ABCA13: variants seen among roughly 807,000 people sequenced by gnomAD.
ABCA13 encodes ATP binding cassette subfamily A member 13, also known as ATP-binding cassette sub-family A member 13.
Under a neutral mutation model 478.7 loss-of-function variants are expected in ABCA13, and 476 were observed. The ratio of observed to expected loss-of-function variants is 0.99; its 90% CI spans 0.92 to 1.07. The LOEUF is 1.07. Ranked by LOEUF, ABCA13 falls within the 50% of genes least tolerant of loss-of-function variation. ABCA13 has a pLI of 0.00. For synonymous variants in ABCA13, 2,252 were observed against 2,158.9 expected, an observed-to-expected ratio of 1.04 and a Z score of -1.20; for missense variants, 6,060 against 5,910.6, an observed-to-expected ratio of 1.03 and a Z score of -0.83.
At position 48,335,417 on chromosome 7, in the gene ABCA13, T is replaced by C; in HGVS notation, c.10000-5T>C. ...AGACATATCCAAATATGCTTCATTT[T>C]GCAGGCTAATTACACCTTTTATATT... On this transcript the variant is annotated splice_polypyrimidine_tract_variant and splice_region_variant and intron_variant, in intron 27 of 61. Coordinates refer to ENST00000435803, the MANE Select transcript of ABCA13 (RefSeq NM_152701.5). 3.2e-6 allele frequency: 5 copies of C among 1,583,176 alleles called. No individual in the cohort carries two copies. Among genetic ancestry groups the C allele is most frequent in the Non-Finnish European group, 4.3e-6 (5 of 1,157,222 alleles).
chr7:48,429,216 G>T (rs1821817133), intron 42 of ABCA13, among the ~76,000 whole-genome samples: 1 of 152,108 alleles, frequency 6.6e-6, no homozygotes, highest in South Asian at 2.1e-4. Flanking sequence ...GTTGTTTCCA[G>T]TTTTTTACTA....
At chr7:48,357,189 T>C (rs531095610) in intron 31 of ABCA13, among the ~76,000 whole-genome samples, 40 of 152,060 alleles carry the variant, frequency 2.6e-4, no homozygotes, top group African/African-American at 7.7e-4. Context: ...ATCAGCTTGA[T>C]CCACAACAGA....
chr7:48,644,675 A>T lies in ABCA13; in HGVS notation c.15002A>T (p.Asp5001Val), dbSNP rs529347538. The change falls in exon 61 of 62, where the codon GAC becomes GTC. Residue 5001 changes from aspartate (D) to valine (V), a missense_variant. Asp to Val is a radical substitution (Grantham distance 152, BLOSUM62 -3). Transcript: ENST00000435803. ...HVPKRWGCLA[D>V]LFKVIENNKT... is the part of the protein sequence containing the mutation. ...CCAAAAAGATGGGGATGCCTAGCTG[A>T]CTTGTTCAAAGTTATAGAGAACAAT... 1 of 1,611,632 alleles carries T rather than the reference A, an allele frequency of 6.2e-7. No individual in the cohort carries two copies. The highest frequency in any genetic ancestry group is 1.3e-5 in the African/African-American group (1 of 74,462).
intron 41 of ABCA13, among the ~76,000 whole-genome samples, chr7:48,418,975 T>G (rs149677257): frequency 6.6e-6 from 1 of 152,206 alleles, no homozygotes; most frequent in Non-Finnish European, 1.5e-5. Context: ...CATAGCAGCA[T>G]CTGCTTCTGG....
chr7:48,244,825 T>A (rs900004821), intron 11 of ABCA13, 122 bp downstream of exon 11: 1 of 1,162,378 alleles, frequency 8.6e-7, no homozygotes, highest in African/African-American at 1.5e-5. Context: ...GCTGGTGTCA[T>A]ATGCATATTT....
At chr7:48,242,399 AC>A (rs377286734) in intron 10 of ABCA13, among the ~76,000 whole-genome samples, 304 of 152,066 alleles carry the variant, frequency 2.0e-3, no homozygotes, top group African/African-American at 7.0e-3. Context: ...TGAGGCCCAA[AC>A]ACTGGCTTTG....
At chr7:48,545,439 C>A (rs1431458146) in intron 55 of ABCA13, among the ~76,000 whole-genome samples, 2 of 151,710 alleles carry the variant, frequency 1.3e-5, no homozygotes. Flanking sequence ...GATCTGAGAA[C>A]CACAACTCCC....
Position 48,246,006 on chromosome 7 carries a change from G to C in ABCA13, c.1635G>C (p.Lys545Asn). Residue 545 changes from lysine (K) to asparagine (N), a missense_variant, in exon 13 of 62, where the codon AAG (lysine) becomes AAC (asparagine). Lys to Asn is a moderately conservative substitution (Grantham distance 94). Around this residue, in one of 3 missense-constraint regions of ABCA13, gnomAD observed 4,423 missense variants for 4,309.1 expected, o/e 1.03. Transcript: ENST00000435803. ...CCTCTGAGACGAGTGTTTTAAACAA[G>C]CTACTTGGTTCAGTAGAGGATGCTG... Reference protein sequence around the residue: ...CNSSETSVLNKLLGSVEDADR... With the variant: ...CNSSETSVLNNLLGSVEDADR... The C allele has an allele frequency of 1.9e-6, 3 of 1,613,648 alleles. No homozygotes were observed. The highest frequency in any genetic ancestry group is 2.5e-6 in the Non-Finnish European group (3 of 1,179,728).
At chr7:48,329,722 C>T (rs771925299) in intron 27 of ABCA13, among the ~76,000 whole-genome samples, 4 of 152,046 alleles carry the variant, frequency 2.6e-5, no homozygotes, top group Non-Finnish European at 4.4e-5. Context: ...ACCATCCATC[C>T]ATCCATTCAT....
intron 27 of ABCA13, among the ~76,000 whole-genome samples, chr7:48,325,907 C>T (rs1207555598): frequency 6.6e-6 from 1 of 152,176 alleles, no homozygotes; most frequent in Non-Finnish European, 1.5e-5. Flanking sequence ...GAGAAAATCA[C>T]TGAGGTGAGT....
chr7:48,434,099 C>G (rs969869739), intron 42 of ABCA13, among the ~76,000 whole-genome samples: 2 of 151,936 alleles, frequency 1.3e-5, no homozygotes, highest in Admixed American at 1.3e-4. Flanking sequence ...GTATCATTTT[C>G]CACAGTGGTT....
intron 58 of ABCA13, among the ~76,000 whole-genome samples, chr7:48,607,055 C>T (rs1791544462): frequency 1.3e-5 from 2 of 152,212 alleles, no homozygotes; most frequent in African/African-American, 4.8e-5. Flanking sequence ...GCCCCTCTCC[C>T]AACCAAGCTT....
At chr7:48,308,372 A>G (rs1801226185) in intron 23 of ABCA13, among the ~76,000 whole-genome samples, 1 of 152,202 alleles carries the variant, frequency 6.6e-6, no homozygotes, top group Non-Finnish European at 1.5e-5. Context: ...ATAACTAGAA[A>G]GAGTATACTC....
At chr7:48,498,464 T>A (rs1830463116) in intron 48 of ABCA13, among the ~76,000 whole-genome samples, 1 of 152,138 alleles carries the variant, frequency 6.6e-6, no homozygotes, top group Non-Finnish European at 1.5e-5. Context: ...ATCATCTTGT[T>A]TGCACCCCAG....
At chr7:48,423,350 T>C (rs945085301) in intron 41 of ABCA13, among the ~76,000 whole-genome samples, 1 of 152,226 alleles carries the variant, frequency 6.6e-6, no homozygotes. Context: ...CTCAGCTGGG[T>C]TCCATTGTCC....
intron 29 of ABCA13, among the ~76,000 whole-genome samples, chr7:48,343,554 T>C (rs1045612762): frequency 3.9e-5 from 6 of 152,090 alleles, no homozygotes; most frequent in Admixed American, 6.5e-5. Context: ...GAGCTTTTGC[T>C]GCCTTGGTAG....
At chr7:48,308,766 C>G (rs1801295425) in intron 23 of ABCA13, among the ~76,000 whole-genome samples, 1 of 151,742 alleles carries the variant, frequency 6.6e-6, no homozygotes, top group Non-Finnish European at 1.5e-5. Flanking sequence ...TTTTACTGTA[C>G]CTTTTTACTG....
In ABCA13 at chr7:48,639,497, T is replaced by TG. The variant is rs1436883569; in HGVS notation, c.14838-3790dup. 3.9e-5 allele frequency among the ~76,000 whole-genome samples: 6 copies of TG among 152,326 alleles called. No individual in the cohort carries two copies. In the East Asian group the frequency reaches 1.2e-3, roughly 29 times the overall value. On this transcript the variant is annotated intron_variant, in intron 59 of 61. Coordinates refer to ENST00000435803, the MANE Select transcript of ABCA13 (RefSeq NM_152701.5). The stretch of plus-strand genomic sequence containing the variant: ...TCAGTGCTGTAACACTTGTGCTGGA[T>TG]GAGAGCTTAACGTGAGACCACGGGA...
intron 39 of ABCA13, 92 bp downstream of exon 39, chr7:48,403,971 C>G (rs1817946221): frequency 3.5e-6 from 5 of 1,428,264 alleles, no homozygotes; most frequent in Middle Eastern, 1.7e-4. Context: ...AGTTGTATCC[C>G]AGTGAGGCTA....
Sources: allele counts gnomAD v4.1 joint callset (sites outside exome capture counted in the v4.1 genomes callset), GRCh38; gene constraint gnomAD v4.1.1; regional missense constraint gnomAD v4.1.1; transcripts MANE v1.5; gene names NCBI Gene and HGNC (gene_info 2026-07-23, HGNC 2026-07-21).